The following COL23A1 variants were observed in gnomAD, a reference collection of about 807,000 sequenced individuals.
COL23A1 encodes collagen alpha-1(XXIII) chain.
Under a neutral mutation model 99.3 loss-of-function variants are expected in COL23A1, and 97 were observed. That is an observed-to-expected ratio of 0.98 (90% CI 0.83 to 1.16). The LOEUF is 1.16. COL23A1 is among the 50% of genes most tolerant of loss of function. COL23A1 has a pLI of 0.00. For missense variants in COL23A1, 762 were observed against 757.4 expected (o/e 1.01, Z -0.07); for synonymous variants, 320 against 308.2 (o/e 1.04, Z -0.40).
intron 3 of COL23A1, among the ~76,000 whole-genome samples, chr5:178,304,432 T>C (rs959103321): frequency 2.1e-5 from 3 of 141,820 alleles, no homozygotes; most frequent in African/African-American, 8.2e-5. Flanking sequence ...ATCGCTTGAA[T>C]CTGGGAAGCA....
In COL23A1 at chr5:178,308,009, CTG is replaced by C. The variant is rs1012466914; in HGVS notation, c.362-1092_362-1091del. On this transcript the variant is annotated intron_variant, in intron 2 of 28. Coordinates refer to ENST00000390654, the MANE Select transcript of COL23A1 (RefSeq NM_173465.4). The surrounding 1 kb of genome is among the most constrained non-coding windows in gnomAD (Gnocchi z 5.1). ...AGGATGGAAAAATGAGTGTGGGTGT[CTG>C]TGTGTGTCTGTTTGCATGTGTCTGT... Among the ~76,000 whole-genome samples, 2 of 148,766 alleles carry C rather than the reference CTG, an allele frequency of 1.3e-5. No individual in the cohort carries two copies. The highest frequency in any genetic ancestry group is 5.2e-5 in the African/African-American group (2 of 38,284).
At chr5:178,430,274 A>G (rs1766185246) in intron 2 of COL23A1, among the ~76,000 whole-genome samples, 1 of 152,190 alleles carries the variant, frequency 6.6e-6, no homozygotes, top group South Asian at 2.1e-4. Context: ...AAAGACACAC[A>G]GGTGACTTCA....
rs559683470 is a variant in COL23A1, at chr5:178,540,858, T to G, written c.361+19824A>C. Among the ~76,000 whole-genome samples, 17 of 152,082 alleles carry G rather than the reference T, an allele frequency of 1.1e-4. No individual in the cohort carries two copies. In the East Asian group the frequency reaches 3.1e-3, roughly 28 times the overall value. On this transcript the variant is annotated intron_variant, in intron 2 of 28. Transcript: ENST00000390654. ...GGGAGGATCGCCTGAGCTTGGGAGG[T>G]CCAGGCTCCAGCGGGCCATGTTCAC...
At chr5:178,289,164 C>T (rs569870254) in intron 4 of COL23A1, among the ~76,000 whole-genome samples, 19 of 152,000 alleles carry the variant, frequency 1.3e-4, no homozygotes, top group African/African-American at 4.3e-4. Context: ...AGCCCAGATT[C>T]CGAAGGGCAC....
chr5:178,460,959 T>TA (rs1352761340), intron 2 of COL23A1, among the ~76,000 whole-genome samples: 3 of 152,260 alleles, frequency 2.0e-5, no homozygotes, highest in Non-Finnish European at 4.4e-5. Context: ...CCATTTTTTT[T>TA]AAACGTAAAG....
intron 2 of COL23A1, among the ~76,000 whole-genome samples, chr5:178,328,642 T>C (rs184617475): frequency 6.6e-6 from 1 of 152,326 alleles, no homozygotes; most frequent in East Asian, 1.9e-4. Flanking sequence ...AGTCATTTTG[T>C]GTTCAAGCCT....
chr5:178,328,667 C>T (rs933393300), intron 2 of COL23A1, among the ~76,000 whole-genome samples: 1 of 152,096 alleles, frequency 6.6e-6, no homozygotes, highest in Admixed American at 6.6e-5. Flanking sequence ...TGAAGTCTTT[C>T]GTTTAAGGGG....
chr5:178,380,015 A>AG (rs1425937612), intron 2 of COL23A1, among the ~76,000 whole-genome samples: 4 of 152,352 alleles, frequency 2.6e-5, no homozygotes, highest in African/African-American at 9.6e-5. Flanking sequence ...AGCTGGAACC[A>AG]GGCTCCACAG....
chr5:178,495,736 C>T lies in COL23A1; in HGVS notation c.361+64946G>A, dbSNP rs1581502810. Among the ~76,000 whole-genome samples the T allele has an allele frequency of 3.3e-5, 5 of 152,120 alleles. 1 individual carries two copies. Among genetic ancestry groups the T allele is most frequent in the Admixed American group, 3.3e-4 (5 of 15,274 alleles). On this transcript the variant is annotated intron_variant, in intron 2 of 28. Coordinates refer to ENST00000390654, the MANE Select transcript of COL23A1 (RefSeq NM_173465.4). ...AGCTGCAATATGAAAATAGTGGGGG[C>T]TGAGCTAGAGAGGCTCAGGAGACAG... is the stretch of plus-strand genomic sequence containing the variant.
chr5:178,266,415 C>T (rs1488949766), intron 8 of COL23A1, among the ~76,000 whole-genome samples: 1 of 151,770 alleles, frequency 6.6e-6, no homozygotes, highest in Non-Finnish European at 1.5e-5. Flanking sequence ...GTGGTGTTCC[C>T]GATGACTGGG....
At chr5:178,515,511 C>A (rs953005145) in intron 2 of COL23A1, among the ~76,000 whole-genome samples, 1 of 152,176 alleles carries the variant, frequency 6.6e-6, no homozygotes, top group Non-Finnish European at 1.5e-5. Flanking sequence ...CCTGCTCTTG[C>A]CCATCCCACT....
intron 2 of COL23A1, among the ~76,000 whole-genome samples, chr5:178,358,370 G>A (rs1055317932): frequency 4.0e-5 from 6 of 149,510 alleles, no homozygotes; most frequent in Non-Finnish European, 5.9e-5. Flanking sequence ...GTATGTGTAC[G>A]TGTGTATGTC....
chr5:178,584,467 A>G (rs1268411227), intron 1 of COL23A1, among the ~76,000 whole-genome samples: 2 of 152,108 alleles, frequency 1.3e-5, no homozygotes, highest in African/African-American at 4.8e-5. Flanking sequence ...CCCCCAAAGC[A>G]CTGAGATTAT....
intron 2 of COL23A1, among the ~76,000 whole-genome samples, chr5:178,341,209 T>C (rs1334109193): frequency 6.6e-6 from 1 of 152,206 alleles, no homozygotes; most frequent in Non-Finnish European, 1.5e-5. Flanking sequence ...ACTTCAGCCT[T>C]GAACTTCCGG....
At chr5:178,485,146 A>G (rs933997505) in intron 2 of COL23A1, among the ~76,000 whole-genome samples, 1 of 152,214 alleles carries the variant, frequency 6.6e-6, no homozygotes. Context: ...TCATTCCAAC[A>G]ATATGAAATT....
intron 2 of COL23A1, among the ~76,000 whole-genome samples, chr5:178,358,032 A>ATGTGTATGCG (rs1172729067): frequency 1.5e-5 from 2 of 135,356 alleles, no homozygotes; most frequent in African/African-American, 5.7e-5. Flanking sequence ...GTGTATGCGT[A>ATGTGTATGCG]TGTGTATGTG....
chr5:178,325,365 G>T lies in COL23A1; in HGVS notation c.362-18446C>A, dbSNP rs117264127. Among the ~76,000 whole-genome samples, 39 of 135,520 alleles carry T rather than the reference G, an allele frequency of 2.9e-4. No individual in the cohort carries two copies. The East Asian group carries it at 6.9e-3, about 24-fold the overall frequency. The allele number at this position is 135,520 out of a possible 152,430, so 88.9% of individuals were successfully genotyped here. A position where few individuals can be genotyped will look rare whatever the true frequency, so the allele number is the denominator to read the frequency against. On this transcript the variant is annotated intron_variant, in intron 2 of 28. Coordinates refer to ENST00000390654, the MANE Select transcript of COL23A1 (RefSeq NM_173465.4). ...CAGCCTGGACTTCCCTCTCCAGCCC[G>T]TTCCGCCCAGCTCCACTTGCCCTCC...
At chr5:178,518,487 C>T (rs1199097725) in intron 2 of COL23A1, among the ~76,000 whole-genome samples, 14 of 146,226 alleles carry the variant, frequency 9.6e-5, no homozygotes, top group East Asian at 4.1e-4. Context: ...GCAGAGGCGC[C>T]CCTCACCTCC....
intron 2 of COL23A1, among the ~76,000 whole-genome samples, chr5:178,500,323 T>G (rs1307195189): frequency 4.1e-5 from 6 of 145,472 alleles, no homozygotes; most frequent in African/African-American, 1.5e-4. Context: ...TGTGGTAGCT[T>G]GGGCCTATAA....
Sources: allele counts gnomAD v4.1 joint callset (sites outside exome capture counted in the v4.1 genomes callset), GRCh38; gene constraint gnomAD v4.1.1; non-coding constraint Gnocchi (gnomAD v3.1); transcripts MANE v1.5; gene names NCBI Gene and HGNC (gene_info 2026-07-23, HGNC 2026-07-21).